The following TENM4 variants were observed in gnomAD, a reference collection of about 807,000 sequenced individuals.
TENM4 encodes the protein teneurin-4.
Under a neutral mutation model 243.3 loss-of-function variants are expected in TENM4, and 82 were observed. The observed-to-expected ratio is 0.34, with a 90% CI of 0.28 to 0.40. TENM4 has a LOEUF of 0.40. Ranked by LOEUF, TENM4 falls within the 10% of genes least tolerant of loss-of-function variation. The probability of loss-of-function intolerance (pLI) is 1.00; values close to 1 mark genes in which losing one functional copy is unlikely to be tolerated. For synonymous variants in TENM4, 1,412 were observed against 1,456.3 expected (o/e 0.97, Z 0.69); for missense variants, 3,138 against 3,673.3 (o/e 0.85, Z 3.77).
At chr11:79,305,410 A>G (rs1856610352) in intron 1 of TENM4, among the ~76,000 whole-genome samples, 1 of 151,884 alleles carries the variant, frequency 6.6e-6, no homozygotes, top group African/African-American at 2.4e-5. Context: ...CACTGCACTA[A>G]AAAGGTCCAA....
At chr11:78,814,770 T>C (rs1857569282) in intron 12 of TENM4, among the ~76,000 whole-genome samples, 1 of 152,244 alleles carries the variant, frequency 6.6e-6, no homozygotes, top group Non-Finnish European at 1.5e-5. Flanking sequence ...ACTTTTTGTA[T>C]TTTATGCTTT....
At chr11:78,929,868 G>A (rs533326029) in intron 6 of TENM4, among the ~76,000 whole-genome samples, 87 of 152,176 alleles carry the variant, frequency 5.7e-4, no homozygotes, top group Non-Finnish European at 9.3e-4. Flanking sequence ...TATTTTACCA[G>A]CAAAAGTTTC....
intron 6 of TENM4, among the ~76,000 whole-genome samples, chr11:78,989,722 C>A (rs538081087): frequency 2.0e-5 from 3 of 152,104 alleles, no homozygotes; most frequent in Non-Finnish European, 4.4e-5. Context: ...AGCAGCAGTG[C>A]TTAATGAATG....
chr11:78,715,268 G>T lies in TENM4; in HGVS notation c.3822-2554C>A, dbSNP rs2135815395. Among the ~76,000 whole-genome samples the T allele has an allele frequency of 2.0e-5, 3 of 152,320 alleles. No homozygotes were observed. The South Asian group carries it at 6.2e-4, about 32-fold the overall frequency. ...AGGCGGTGACCTTAGATCCTACTGT[G>T]TAATCCTGGGGCAGCCTTGATCTTT... On this transcript the variant is annotated intron_variant, in intron 25 of 33. Transcript: ENST00000278550.
chr11:79,159,154 A>T (rs10751307), intron 3 of TENM4, among the ~76,000 whole-genome samples: 36,587 of 152,008 alleles, frequency 0.24, 4,630 homozygotes, highest in East Asian at 0.35. Context: ...GGGGCTCTAC[A>T]TGGCCCTCAT....
In TENM4 at chr11:78,827,990, T is replaced by G. The variant is rs1319920806; in HGVS notation, c.1682-13595A>C. On this transcript the variant is annotated intron_variant, in intron 12 of 33. Coordinates refer to ENST00000278550, the MANE Select transcript of TENM4 (RefSeq NM_001098816.3). ...CAAATTCATTGAGAGGAAGGATCCA[T>G]TTCCAATTCTCCCTCTTATCTGTGC... Among the ~76,000 whole-genome samples, 4 of 152,318 alleles carry G rather than the reference T, an allele frequency of 2.6e-5. No individual in the cohort carries two copies. In the East Asian group the frequency reaches 7.7e-4, roughly 29 times the overall value.
chr11:79,015,083 G>GA (rs200977365), intron 6 of TENM4, among the ~76,000 whole-genome samples: 1 of 152,210 alleles, frequency 6.6e-6, no homozygotes, highest in Admixed American at 6.5e-5. Flanking sequence ...AGGCCATTGG[G>GA]AAAAAAAGTC....
At chr11:78,983,061 C>T (rs1857837731) in intron 6 of TENM4, among the ~76,000 whole-genome samples, 1 of 152,202 alleles carries the variant, frequency 6.6e-6, no homozygotes, top group African/African-American at 2.4e-5. Flanking sequence ...CCTTCAATAC[C>T]CTTGCCGGTA....
intron 4 of TENM4, among the ~76,000 whole-genome samples, chr11:79,079,698 C>T (rs1860617379): frequency 6.6e-6 from 1 of 151,938 alleles, no homozygotes; most frequent in South Asian, 2.1e-4. Context: ...GTGTGGTGGT[C>T]CACACCTGTA....
At chr11:79,182,541 A>G (rs1863304257) in intron 3 of TENM4, among the ~76,000 whole-genome samples, 1 of 152,220 alleles carries the variant, frequency 6.6e-6, no homozygotes, top group Non-Finnish European at 1.5e-5. Context: ...AAATGCCAAA[A>G]GCACAATTCT....
At chr11:79,088,067 T>C (rs1437555759) in intron 4 of TENM4, among the ~76,000 whole-genome samples, 1 of 152,258 alleles carries the variant, frequency 6.6e-6, no homozygotes, top group African/African-American at 2.4e-5. Flanking sequence ...CTTTGTTCTC[T>C]TGATTGTAGT....
chr11:78,807,242 A>C (rs747624222), intron 14 of TENM4, among the ~76,000 whole-genome samples: 3 of 152,138 alleles, frequency 2.0e-5, no homozygotes, highest in Non-Finnish European at 4.4e-5. Flanking sequence ...CATATGGTAA[A>C]TTCTATTTTT....
At chr11:78,895,980 G>A (rs1855784212) in intron 7 of TENM4, among the ~76,000 whole-genome samples, 1 of 152,148 alleles carries the variant, frequency 6.6e-6, no homozygotes, top group South Asian at 2.1e-4. Flanking sequence ...CCTTGGACTA[G>A]CCCCTGAACT....
intron 3 of TENM4, among the ~76,000 whole-genome samples, chr11:79,165,344 G>T (rs1862888888): frequency 6.6e-6 from 1 of 152,142 alleles, no homozygotes; most frequent in South Asian, 2.1e-4. Context: ...TCTTGCAGGA[G>T]TGAGACAGTA....
At chr11:78,882,637 C>A (rs1432448668) in intron 9 of TENM4, among the ~76,000 whole-genome samples, 9 of 152,192 alleles carry the variant, frequency 5.9e-5, no homozygotes, top group African/African-American at 1.9e-4. Context: ...TATTGACAGT[C>A]TATACCACTC....
At chr11:79,266,190 CTGACATG>C (rs1855881361) in intron 2 of TENM4, among the ~76,000 whole-genome samples, 1 of 152,208 alleles carries the variant, frequency 6.6e-6, no homozygotes, top group South Asian at 2.1e-4. Context: ...GACTCAAGAT[CTGACATG>C]TGCTCAGTAA....
chr11:78,983,451 C>T (rs1217406623), intron 6 of TENM4, among the ~76,000 whole-genome samples: 1 of 152,262 alleles, frequency 6.6e-6, no homozygotes, highest in African/African-American at 2.4e-5. Flanking sequence ...CTAGTCTGTG[C>T]TTTTGTTTGT....
rs77088268 is a variant in TENM4 at position 79,359,535 on chromosome 11, C to T, written c.-320-61992G>A. 6.5e-3 allele frequency among the ~76,000 whole-genome samples: 990 copies of T among 152,208 alleles called. 10 individuals are homozygous for T. The highest frequency in any genetic ancestry group is 0.023 in the African/African-American group (937 of 41,498). Reference sequence around the variant, plus strand: ...TGGTGAATACATGAGGAGGTTATTACAGTCACTTCTAGTTTTGCATAAGCT... The same window carrying T: ...TGGTGAATACATGAGGAGGTTATTATAGTCACTTCTAGTTTTGCATAAGCT... On this transcript the variant is annotated intron_variant, in intron 1 of 33. Coordinates refer to ENST00000278550, the MANE Select transcript of TENM4 (RefSeq NM_001098816.3).
intron 6 of TENM4, among the ~76,000 whole-genome samples, chr11:78,985,433 C>A (rs570978080): frequency 6.6e-6 from 1 of 152,160 alleles, no homozygotes; most frequent in Non-Finnish European, 1.5e-5. Flanking sequence ...ACCTAAGCAA[C>A]CCTGGGTAGT....
Sources: gnomAD v4.1 joint callset for allele counts (sites outside exome capture counted in the v4.1 genomes callset) on GRCh38, gnomAD v4.1.1 for gene constraint, MANE v1.5 for transcripts, NCBI Gene and HGNC (gene_info 2026-07-23, HGNC 2026-07-21) for gene names.